Variants in LYST observed in about 807,000 individuals in gnomAD.
LYST encodes lysosomal trafficking regulator, also known as lysosomal-trafficking regulator.
LYST carries 192 observed loss-of-function variants against 413.6 expected under a neutral mutation model. The ratio of observed to expected loss-of-function variants is 0.46; its 90% CI spans 0.41 to 0.52. LYST has a LOEUF of 0.52. LYST is among the 20% of genes least tolerant of loss of function. LYST has a pLI of 0.00. For synonymous variants in LYST, 1,525 were observed against 1,567.3 expected, an observed-to-expected ratio of 0.97 and a Z score of 0.64; for missense variants, 3,815 against 4,499.9, an observed-to-expected ratio of 0.85 and a Z score of 4.35.
At chr1:235,840,552 T>C (rs963104537) in intron 1 of LYST, among the ~76,000 whole-genome samples, 1 of 152,170 alleles carries the variant, frequency 6.6e-6, no homozygotes, top group African/African-American at 2.4e-5. Context: ...GAACCTAATC[T>C]GCTAAACCCA....
chr1:235,782,857 T>C lies in LYST; in HGVS notation c.4863-770A>G, dbSNP rs149629549. Reference sequence around the variant, plus strand: ...ACATAACTTCTTCAAAATTTCTGTCTAGCCATTGAAATGCCAATACTTTCT... The same window carrying C: ...ACATAACTTCTTCAAAATTTCTGTCCAGCCATTGAAATGCCAATACTTTCT... On this transcript the variant is annotated intron_variant, in intron 14 of 52. Coordinates refer to ENST00000389793, the MANE Select transcript of LYST (RefSeq NM_000081.4). 2.3e-3 allele frequency among the ~76,000 whole-genome samples: 344 copies of C among 152,338 alleles called. 3 individuals carry two copies. The highest frequency in any genetic ancestry group is 7.7e-3 in the African/African-American group (322 of 41,576).
chr1:235,766,680 C>T (rs1465929043), intron 20 of LYST, among the ~76,000 whole-genome samples: 2 of 152,106 alleles, frequency 1.3e-5, no homozygotes, highest in African/African-American at 4.8e-5. Flanking sequence ...ACTAGTGCTA[C>T]TTTATAGGGT....
chr1:235,704,065 G>A (rs556061907), intron 44 of LYST, among the ~76,000 whole-genome samples: 8 of 152,168 alleles, frequency 5.3e-5, no homozygotes, highest in Non-Finnish European at 8.8e-5. Context: ...CTCCATACAC[G>A]TTCCAACAAA....
intron 18 of LYST, 55 bp downstream of exon 18, chr1:235,774,858 C>G: frequency 8.7e-7 from 1 of 1,148,268 alleles, no homozygotes; most frequent in East Asian, 2.4e-5. Context: ...ACTTTGATGA[C>G]GAGATGAGTA....
chr1:235,871,000 A>G (rs1680900448), upstream of LYST, among the ~76,000 whole-genome samples: 4 of 152,242 alleles, frequency 2.6e-5, no homozygotes, highest in South Asian at 8.3e-4. Flanking sequence ...ATACAGATGA[A>G]TAAAATTATG....
chr1:235,880,423 T>C (rs1351972322), intron 1 of LYST, among the ~76,000 whole-genome samples: 1 of 135,448 alleles, frequency 7.4e-6, no homozygotes, highest in Non-Finnish European at 1.5e-5. Context: ...GATCCTGTGT[T>C]GATTTATTAC....
At chr1:235,862,806 AACACACACACACACACACACACAC>A (rs57043954) in intron 1 of LYST, among the ~76,000 whole-genome samples, 4 of 121,424 alleles carry the variant, frequency 3.3e-5, no homozygotes, top group Non-Finnish European at 7.1e-5. Context: ...AAAACAAACA[AACACACACACACACACACACACAC>A]ACACACACAC....
intron 16 of LYST, among the ~76,000 whole-genome samples, chr1:235,779,001 G>A (rs1402597905): frequency 6.6e-6 from 1 of 151,816 alleles, no homozygotes; most frequent in African/African-American, 2.4e-5. Flanking sequence ...TGAGTAGCTG[G>A]GATTACAGGC....
intron 6 of LYST, among the ~76,000 whole-genome samples, 182 bp from the exon 7 acceptor site, chr1:235,804,847 CA>C (rs1672638138): frequency 6.6e-6 from 1 of 152,086 alleles, no homozygotes; most frequent in African/African-American, 2.4e-5. Flanking sequence ...AAATTAATAA[CA>C]TTTTTATTGA....
chr1:235,745,015 C>T (rs1665779962), intron 29 of LYST, among the ~76,000 whole-genome samples: 1 of 151,620 alleles, frequency 6.6e-6, no homozygotes, highest in Non-Finnish European at 1.5e-5. Context: ...TTCCTGTCTT[C>T]CTCGGGTTAC....
rs886046170 is a variant in LYST, at chr1:235,720,679, T to C, written c.9542A>G (p.Asn3181Ser). 1.1e-5 allele frequency: 18 copies of C among 1,613,800 alleles called. No individual in the cohort carries two copies. In the East Asian group the frequency reaches 2.7e-4, roughly 24 times the overall value. ...ADYVSETLDL[N>S]DLLIYRNLSK... ...AACTTACCTGTATATCAACAGATCA[T>C]TGAGGTCAAGTGTCTCACTAACGTA... Residue 3181 changes from asparagine to serine, a missense_variant, in exon 40 of 53, where the codon AAT becomes AGT. Coordinates refer to ENST00000389793, the MANE Select transcript of LYST (RefSeq NM_000081.4).
At chr1:235,846,437 A>T (rs1159154194) in intron 1 of LYST, among the ~76,000 whole-genome samples, 1 of 152,144 alleles carries the variant, frequency 6.6e-6, no homozygotes, top group Non-Finnish European at 1.5e-5. Context: ...CCAGAAAACC[A>T]ACCCTGGTAA....
At chr1:235,762,562 T>C (rs1449436064) in intron 22 of LYST, among the ~76,000 whole-genome samples, 158 bp downstream of exon 22, 2 of 152,228 alleles carry the variant, frequency 1.3e-5, no homozygotes, top group African/African-American at 4.8e-5. Flanking sequence ...ATGAGCCTCA[T>C]CCATTTTCTC....
intron 1 of LYST, among the ~76,000 whole-genome samples, chr1:235,880,989 G>A (rs1681352094): frequency 6.6e-6 from 1 of 152,104 alleles, no homozygotes. Context: ...AGCCGGGCGT[G>A]GTGGAGGGTG....
chr1:235,689,651 TC>T (rs1297050038), intron 47 of LYST, among the ~76,000 whole-genome samples: 1 of 152,196 alleles, frequency 6.6e-6, no homozygotes, highest in Non-Finnish European at 1.5e-5. Context: ...TCTTAAATAT[TC>T]TCATCACACA....
chr1:235,805,755 CTCCAAT>C lies in LYST; in HGVS notation c.3375_3380del (p.Glu1127_Leu1128del), dbSNP rs1258174814. 1.2e-5 allele frequency: 19 copies of C among 1,612,364 alleles called. No homozygotes were observed. The highest frequency in any genetic ancestry group is 2.7e-5 in the African/African-American group (2 of 74,686). ...GACAAGGTATTACCTGATTAGGTAACTCCAATTCCATCTTCTGTTGACTAGTTCTGG... is the reference window on the plus strand; with the variant it reads ...GACAAGGTATTACCTGATTAGGTAACTCCATCTTCTGTTGACTAGTTCTGG... On this transcript the variant is annotated inframe_deletion, in exon 6 of 53. Coordinates refer to ENST00000389793, the MANE Select transcript of LYST (RefSeq NM_000081.4).
At position 235,806,125 on chromosome 1, in the gene LYST, C is replaced by T; in HGVS notation, c.3011G>A (p.Ser1004Asn). 6.2e-7 allele frequency: 1 copy of T among 1,613,916 alleles called. No homozygotes were observed. Among genetic ancestry groups the T allele is most frequent in the Non-Finnish European group, 8.5e-7 (1 of 1,179,954 alleles). ...CTTTTTTCCTTGCTCCTCTTTGTGA[C>T]TTCTGAACAGTTTCTGTATTATCAT... ...IFMIIQKLFRSHKEEQGKKEG... is the reference protein window; with the variant it reads ...IFMIIQKLFRNHKEEQGKKEG... Residue 1004 changes from serine to asparagine, a missense_variant, in exon 6 of 53, where the codon AGT becomes AAT. Ser to Asn is a conservative substitution (Grantham distance 46, BLOSUM62 1). Transcript: ENST00000389793.
chr1:235,704,698 A>G (rs755577915), intron 44 of LYST, among the ~76,000 whole-genome samples: 3 of 151,186 alleles, frequency 2.0e-5, no homozygotes, highest in Non-Finnish European at 4.4e-5. Context: ...CCCATTCTGT[A>G]GGTTGTCTGT....
chr1:235,770,399 T>C, intron 19 of LYST, 102 bp from the exon 20 acceptor site: 1 of 1,032,158 alleles, frequency 9.7e-7, no homozygotes. Context: ...ATTGTGTATA[T>C]ATTCAGTATC....
Sources: gnomAD v4.1 joint callset for allele counts (sites outside exome capture counted in the v4.1 genomes callset) on GRCh38, gnomAD v4.1.1 for gene constraint, MANE v1.5 for transcripts, NCBI Gene and HGNC (gene_info 2026-07-23, HGNC 2026-07-21) for gene names.